The following ZMYM5 variants were observed in gnomAD, a reference collection of about 807,000 sequenced individuals.
The protein encoded by ZMYM5 is zinc finger MYM-type containing 5, also known as zinc finger MYM-type protein 5.
Under a neutral mutation model 61.8 loss-of-function variants are expected in ZMYM5, and 41 were observed. That is an observed-to-expected ratio of 0.66 (90% CI 0.52 to 0.86). ZMYM5 has a LOEUF of 0.86. Among genes scored for constraint, ZMYM5 ranks in the 40% least tolerant of loss-of-function variants. The pLI is 0.00. For synonymous variants in ZMYM5, 257 were observed against 276.4 expected (o/e 0.93, Z 0.70); for missense variants, 706 against 786.7 (o/e 0.90, Z 1.23).
chr13:19,839,393 CTTT>C (rs879537886), intron 4 of ZMYM5, among the ~76,000 whole-genome samples: 1 of 146,102 alleles, frequency 6.8e-6, no homozygotes, highest in Non-Finnish European at 1.5e-5. Flanking sequence ...ATATTAGCTA[CTTT>C]TTTTTTTTTT....
chr13:19,833,156 A>G (rs1952577497), intron 7 of ZMYM5, among the ~76,000 whole-genome samples: 1 of 152,230 alleles, frequency 6.6e-6, no homozygotes, highest in South Asian at 2.1e-4. Flanking sequence ...AAAAATAAAC[A>G]GAAAAGTCAA....
At position 19,837,351 on chromosome 13, in the gene ZMYM5, A is replaced by C. The variant is rs1316004074; in HGVS notation, c.1038+305T>G. 4 of 1,234,894 alleles carry C rather than the reference A, an allele frequency of 3.2e-6. No individual in the cohort carries two copies. The South Asian group carries it at 5.1e-5, about 16-fold the overall frequency. 76.5% of individuals were successfully genotyped at this position (1,234,894 alleles called of 1,614,324 possible). ...GTAGTTTTCCAGCCCTTGACCCCCA[A>C]CTCTTGAGACTACATTTTTATTTAA... On this transcript the variant is annotated intron_variant, in intron 6 of 7. Transcript: ENST00000337963.
At chr13:19,847,343 T>A (rs1285803668) in intron 4 of ZMYM5, among the ~76,000 whole-genome samples, 1 of 152,132 alleles carries the variant, frequency 6.6e-6, no homozygotes, top group Non-Finnish European at 1.5e-5. Context: ...AAGAAAACTA[T>A]CCACATCTAA....
At chr13:19,853,000 A>C (rs147455598) in intron 2 of ZMYM5, among the ~76,000 whole-genome samples, 5 of 152,322 alleles carry the variant, frequency 3.3e-5, no homozygotes, top group African/African-American at 1.2e-4. Flanking sequence ...GGCTCTTGCC[A>C]TCACAGCCCA....
intron 2 of ZMYM5, among the ~76,000 whole-genome samples, chr13:19,854,645 A>AC (rs397705132): frequency 1.3e-5 from 2 of 150,246 alleles, no homozygotes. Flanking sequence ...AAAAAAAAAA[A>AC]CCTCAATGTA....
intron 7 of ZMYM5, among the ~76,000 whole-genome samples, chr13:19,828,209 C>T: frequency 6.6e-6 from 1 of 152,096 alleles, no homozygotes; most frequent in Non-Finnish European, 1.5e-5. Context: ...TGCGGTGGCT[C>T]ACGCCTGTAA....
intron 4 of ZMYM5, 65 bp from the exon 5 acceptor site, chr13:19,839,050 C>A (rs1476436173): frequency 1.9e-6 from 3 of 1,560,584 alleles, no homozygotes; most frequent in East Asian, 4.5e-5. Flanking sequence ...AAATAACTTG[C>A]ATTTTCATTT....
intron 6 of ZMYM5, among the ~76,000 whole-genome samples, chr13:19,836,482 T>C (rs771375854): frequency 3.9e-5 from 6 of 152,128 alleles, no homozygotes; most frequent in Admixed American, 6.6e-5. Flanking sequence ...TCTTGCTTTA[T>C]CACCCTGGCT....
Position 19,835,563 on chromosome 13 carries a change from T to C in ZMYM5, c.1165A>G (p.Ser389Gly), listed in dbSNP as rs776783051. 5.8e-6 allele frequency: 8 copies of C among 1,367,706 alleles called. No individual in the cohort carries two copies. Among genetic ancestry groups the C allele is most frequent in the Non-Finnish European group, 6.9e-6 (7 of 1,021,852 alleles). 84.7% of individuals were successfully genotyped at this position (1,367,706 alleles called of 1,614,324 possible). A position where few individuals can be genotyped will look rare whatever the true frequency, so the allele number is the denominator to read the frequency against. The change falls in exon 7 of 8, where the codon AGT becomes GGT. Residue 389 changes from serine to glycine, a missense_variant. Physicochemically the swap from Ser to Gly is moderately conservative, Grantham distance 56. Coordinates refer to ENST00000337963, the MANE Select transcript of ZMYM5 (RefSeq NM_001142684.2). ...AGGATGTTGTTTCCAGTACTCTTACTAGGCATGTACTCTCCACAGTGTTCA... is the reference window on the plus strand; with the variant it reads ...AGGATGTTGTTTCCAGTACTCTTACCAGGCATGTACTCTCCACAGTGTTCA... ...CCEHCGEYMP[S>G]KSTGNNILVI...
At chr13:19,826,046 T>TAAAAAAAAAAAAAAAAAAAAAAGAA in intron 7 of ZMYM5, among the ~76,000 whole-genome samples, 1 of 118,890 alleles carries the variant, frequency 8.4e-6, no homozygotes, top group African/African-American at 3.2e-5. Flanking sequence ...ACTCCATGCT[T>TAAAAAAAAAAAAAAAAAAAAAAGAA]AAAAAAAAAA....
At chr13:19,840,008 T>G (rs1952811351) in intron 4 of ZMYM5, among the ~76,000 whole-genome samples, 1 of 152,240 alleles carries the variant, frequency 6.6e-6, no homozygotes, top group Admixed American at 6.5e-5. Context: ...TTGGGAATCT[T>G]GTTTAAATGG....
At chr13:19,841,150 A>G (rs907395677) in intron 4 of ZMYM5, among the ~76,000 whole-genome samples, 4 of 151,662 alleles carry the variant, frequency 2.6e-5, no homozygotes, top group African/African-American at 9.7e-5. Context: ...TTTTTAGTAG[A>G]GATGGGGTTT....
chr13:19,852,482 T>C (rs1370156112), intron 2 of ZMYM5, among the ~76,000 whole-genome samples: 2 of 152,176 alleles, frequency 1.3e-5, no homozygotes, highest in African/African-American at 4.8e-5. Context: ...AACAAAATAA[T>C]TAAATTAAAT....
chr13:19,834,565 G>A (rs1345112377), intron 7 of ZMYM5, among the ~76,000 whole-genome samples: 1 of 152,040 alleles, frequency 6.6e-6, no homozygotes, highest in Non-Finnish European at 1.5e-5. Context: ...AGGGATTACA[G>A]GCGTGAAGCA....
At chr13:19,853,615 T>G (rs1953394944) in intron 2 of ZMYM5, among the ~76,000 whole-genome samples, 1 of 151,430 alleles carries the variant, frequency 6.6e-6, no homozygotes, top group Non-Finnish European at 1.5e-5. Flanking sequence ...TTTTTTTCTT[T>G]CTTTTTTTTT....
At position 19,823,848 on chromosome 13, in the gene ZMYM5, CTTTCT is replaced by C. The variant is rs1318791744; in HGVS notation, c.*624_*628del. On this transcript the variant is annotated 3_prime_UTR_variant, in exon 8 of 8. Coordinates refer to ENST00000337963, the MANE Select transcript of ZMYM5 (RefSeq NM_001142684.2). ...AAGGTAATTAGAACATAATATTTTTCTTTCTTTTGAGACTGACTCTCGCTCTGTTG... is the reference window on the plus strand; with the variant it reads ...AAGGTAATTAGAACATAATATTTTTCTTTGAGACTGACTCTCGCTCTGTTG... 1 of 152,044 alleles carries C rather than the reference CTTTCT, an allele frequency of 6.6e-6. No homozygotes were observed. The highest frequency in any genetic ancestry group is 2.4e-5 in the African/African-American group (1 of 41,408). 9.4% of individuals were successfully genotyped at this position (152,044 alleles called of 1,614,324 possible). A position where few individuals can be genotyped will look rare whatever the true frequency, so the allele number is the denominator to read the frequency against.
At chr13:19,839,239 G>A (rs1003432955) in intron 4 of ZMYM5, among the ~76,000 whole-genome samples, 5 of 149,630 alleles carry the variant, frequency 3.3e-5, no homozygotes, top group African/African-American at 7.5e-5. Flanking sequence ...GGTAGCCATC[G>A]GCTCTTAAGT....
At chr13:19,852,288 T>C in intron 2 of ZMYM5, 98 bp from the exon 3 acceptor site, 1 of 1,276,768 alleles carries the variant, frequency 7.8e-7, no homozygotes, top group Non-Finnish European at 1.1e-6. Context: ...AAATTATTTT[T>C]TGTGATACCT....
chr13:19,836,221 A>C (rs1055524851), intron 6 of ZMYM5, among the ~76,000 whole-genome samples: 54 of 152,192 alleles, frequency 3.5e-4, no homozygotes, highest in African/African-American at 1.3e-3. Context: ...AAAGCAATAA[A>C]ATCAATAATA....
Sources: allele counts gnomAD v4.1 joint callset (sites outside exome capture counted in the v4.1 genomes callset), GRCh38; gene constraint gnomAD v4.1.1; transcripts MANE v1.5; gene names NCBI Gene and HGNC (gene_info 2026-07-23, HGNC 2026-07-21).